Variants in TBC1D32 observed in about 807,000 individuals in gnomAD.
TBC1D32 encodes TBC1 domain family member 32, also known as protein broad-minded.
A neutral mutation model predicts 170.3 loss-of-function variants in TBC1D32; 151 were observed. The ratio of observed to expected loss-of-function variants is 0.89; its 90% CI spans 0.78 to 1.01. The LOEUF (loss-of-function observed/expected upper bound fraction) is 1.01, where lower values mean the gene tolerates loss of function less well. TBC1D32 is among the 50% of genes least tolerant of loss of function. The probability of loss-of-function intolerance (pLI) is 0.00; values close to 1 mark genes in which losing one functional copy is unlikely to be tolerated. For missense variants in TBC1D32, 1,464 were observed against 1,457.1 expected, an observed-to-expected ratio of 1.00 and a Z score of -0.08; for synonymous variants, 498 against 488.0, an observed-to-expected ratio of 1.02 and a Z score of -0.27.
At chr6:121,302,076 T>C (rs1446289690) in intron 9 of TBC1D32, among the ~76,000 whole-genome samples, 1 of 152,202 alleles carries the variant, frequency 6.6e-6, no homozygotes, top group African/African-American at 2.4e-5. Context: ...GAGAAGTTGA[T>C]ATAGTATTAA....
intron 26 of TBC1D32, among the ~76,000 whole-genome samples, chr6:121,116,175 T>G (rs1779659627): frequency 6.6e-6 from 1 of 152,060 alleles, no homozygotes; most frequent in African/African-American, 2.4e-5. Flanking sequence ...ATGAAGTTTT[T>G]TTTTTTTTTC....
At position 121,090,730 on chromosome 6, in the gene TBC1D32, A is replaced by G. The variant is rs533788852; in HGVS notation, c.3654+123T>C. ...ACTCATCTCTAAAATGGGGATGATA[A>G]TAGTATCTACCTCTCACCATTGGTT... On this transcript the variant is annotated intron_variant, in intron 31 of 31. Transcript: ENST00000398212. 6 of 827,190 alleles carry G rather than the reference A, an allele frequency of 7.3e-6. No individual in the cohort carries two copies. In the East Asian group the frequency reaches 1.3e-4, roughly 17 times the overall value. The allele number at this position is 827,190 out of a possible 1,614,324, so 51.2% of individuals were successfully genotyped here. A position where few individuals can be genotyped will look rare whatever the true frequency, so the allele number is the denominator to read the frequency against.
chr6:121,157,366 T>C lies in TBC1D32; in HGVS notation c.2773+2644A>G, dbSNP rs113702971. ...TATGTTTTCCATTTGTGTGGTTGTTTTTCTGCATCCCTTTGAGCCTGTGAG... is the reference window on the plus strand; with the variant it reads ...TATGTTTTCCATTTGTGTGGTTGTTCTTCTGCATCCCTTTGAGCCTGTGAG... On this transcript the variant is annotated intron_variant, in intron 24 of 31. Coordinates refer to ENST00000398212, the MANE Select transcript of TBC1D32 (RefSeq NM_152730.6). Among the ~76,000 whole-genome samples the C allele has an allele frequency of 8.8e-3, 1,334 of 152,192 alleles. 10 individuals are homozygous for C. The highest frequency in any genetic ancestry group is 0.041 in the South Asian group (197 of 4,818).
At chr6:121,214,260 T>C (rs1466549416) in intron 21 of TBC1D32, among the ~76,000 whole-genome samples, 2 of 152,192 alleles carry the variant, frequency 1.3e-5, no homozygotes, top group Admixed American at 6.5e-5. Flanking sequence ...GGAGTGTTGA[T>C]TCACCAGCTG....
chr6:121,099,998 T>C (rs1777837459), intron 30 of TBC1D32, among the ~76,000 whole-genome samples: 1 of 151,916 alleles, frequency 6.6e-6, no homozygotes, highest in Non-Finnish European at 1.5e-5. Flanking sequence ...TTAGTCAAGT[T>C]TTAAATTAAA....
intron 26 of TBC1D32, among the ~76,000 whole-genome samples, chr6:121,121,882 G>A (rs1233984561): frequency 1.3e-5 from 2 of 152,118 alleles, no homozygotes; most frequent in African/African-American, 4.8e-5. Flanking sequence ...ACAATGAGAT[G>A]TATTGGCTTT....
intron 22 of TBC1D32, among the ~76,000 whole-genome samples, chr6:121,200,517 A>G (rs1420582960): frequency 6.6e-6 from 1 of 151,672 alleles, no homozygotes; most frequent in Non-Finnish European, 1.5e-5. Flanking sequence ...CAGTATCAAA[A>G]GTTTCCAGGC....
intron 30 of TBC1D32, among the ~76,000 whole-genome samples, chr6:121,101,682 C>T (rs1306979072): frequency 1.3e-5 from 2 of 152,134 alleles, no homozygotes; most frequent in Non-Finnish European, 2.9e-5. Flanking sequence ...TGGCACAAGA[C>T]AGGGATGCCC....
At chr6:121,201,925 A>G (rs1414466791) in intron 22 of TBC1D32, among the ~76,000 whole-genome samples, 2 of 151,286 alleles carry the variant, frequency 1.3e-5, no homozygotes, top group African/African-American at 4.9e-5. Context: ...TTCAAAATTA[A>G]GCAATTAAAG....
chr6:121,196,311 G>C (rs1229128280), intron 22 of TBC1D32, among the ~76,000 whole-genome samples: 1 of 152,180 alleles, frequency 6.6e-6, no homozygotes, highest in Non-Finnish European at 1.5e-5. Context: ...AGGCTGACCT[G>C]GCTACGGCCA....
intron 24 of TBC1D32, among the ~76,000 whole-genome samples, chr6:121,150,730 G>C (rs1784106392): frequency 6.6e-6 from 1 of 152,132 alleles, no homozygotes; most frequent in Non-Finnish European, 1.5e-5. Flanking sequence ...GTTTAGTCTT[G>C]GGAGGGTGTA....
At chr6:121,098,506 T>C (rs1244073631) in intron 30 of TBC1D32, among the ~76,000 whole-genome samples, 1 of 151,884 alleles carries the variant, frequency 6.6e-6, no homozygotes, top group Admixed American at 6.6e-5. Flanking sequence ...ACAATAAAGG[T>C]TAAAATTTTA....
At chr6:121,295,476 G>A (rs77470382) in intron 10 of TBC1D32, among the ~76,000 whole-genome samples, 4,974 of 151,974 alleles carry the variant, frequency 0.033, 192 homozygotes, top group East Asian at 0.12. Flanking sequence ...TTTATTTTCA[G>A]GAAAGACAGC....
intron 15 of TBC1D32, among the ~76,000 whole-genome samples, chr6:121,268,945 A>G (rs1800943300): frequency 6.6e-6 from 1 of 152,298 alleles, no homozygotes; most frequent in East Asian, 1.9e-4. Flanking sequence ...AGAAGAGAGT[A>G]GCAGCCAATA....
At chr6:121,108,270 C>T (rs539244085) in intron 29 of TBC1D32, among the ~76,000 whole-genome samples, 28 of 152,022 alleles carry the variant, frequency 1.8e-4, no homozygotes, top group Admixed American at 1.0e-3. Context: ...GAATATAATA[C>T]GAGGTCTTCT....
intron 3 of TBC1D32, 78 bp downstream of exon 3, chr6:121,317,417 T>C: frequency 2.5e-6 from 3 of 1,179,858 alleles, no homozygotes; most frequent in Non-Finnish European, 2.3e-6. Context: ...AGGAAAAATA[T>C]GGCTAAGAAA....
At chr6:121,085,345 A>G (rs904928733) in intron 31 of TBC1D32, among the ~76,000 whole-genome samples, 2 of 123,408 alleles carry the variant, frequency 1.6e-5, no homozygotes, top group African/African-American at 9.0e-5. Context: ...ACATATATAT[A>G]CATACATATA....
intron 22 of TBC1D32, among the ~76,000 whole-genome samples, chr6:121,200,336 T>A (rs1342391573): frequency 6.6e-6 from 1 of 151,364 alleles, no homozygotes; most frequent in Non-Finnish European, 1.5e-5. Flanking sequence ...ATAATAAAAC[T>A]TAATGTGGTC....
At chr6:121,111,699 AT>A (rs1194640308) in intron 29 of TBC1D32, among the ~76,000 whole-genome samples, 4 of 152,088 alleles carry the variant, frequency 2.6e-5, no homozygotes, top group African/African-American at 9.7e-5. Flanking sequence ...AAATTTTAAT[AT>A]TTATTGTATT....
Sources: gnomAD v4.1 joint callset for allele counts (sites outside exome capture counted in the v4.1 genomes callset) on GRCh38, gnomAD v4.1.1 for gene constraint, MANE v1.5 for transcripts, NCBI Gene and HGNC (gene_info 2026-07-23, HGNC 2026-07-21) for gene names.